Variants in ADAM12 observed in about 807,000 individuals in gnomAD.
ADAM12 encodes the protein disintegrin and metalloproteinase domain-containing protein 12.
In ADAM12, 70 loss-of-function variants were observed where a neutral mutation model predicts 106.4. The observed-to-expected ratio is 0.66, with a 90% CI of 0.54 to 0.80. The LOEUF (loss-of-function observed/expected upper bound fraction) is 0.80. Ranked by LOEUF, ADAM12 falls within the 30% of genes least tolerant of loss-of-function variation. The pLI is 0.00. For synonymous variants in ADAM12, 420 were observed against 433.5 expected (o/e 0.97, Z 0.39); for missense variants, 1,010 against 1,171.9 (o/e 0.86, Z 2.02).
chr10:126,242,592 A>G (rs1958547914), intron 3 of ADAM12, among the ~76,000 whole-genome samples: 1 of 152,232 alleles, frequency 6.6e-6, no homozygotes. Flanking sequence ...GCCCGTCCAC[A>G]GTGGGTCCTC....
intron 3 of ADAM12, among the ~76,000 whole-genome samples, chr10:126,256,349 G>T (rs1418111043): frequency 3.3e-5 from 5 of 152,134 alleles, no homozygotes; most frequent in East Asian, 1.9e-4. Context: ...TGGACCCTTT[G>T]TTTTAGTTTC....
chr10:126,306,581 C>A (rs1413566779), intron 2 of ADAM12, among the ~76,000 whole-genome samples: 1 of 152,086 alleles, frequency 6.6e-6, no homozygotes, highest in Non-Finnish European at 1.5e-5. Flanking sequence ...AATTTTATCA[C>A]CTGCTTTTGG....
At chr10:126,180,112 T>C (rs1054165678) in intron 3 of ADAM12, among the ~76,000 whole-genome samples, 4 of 152,356 alleles carry the variant, frequency 2.6e-5, no homozygotes, top group African/African-American at 7.2e-5. Flanking sequence ...TTTGGGATGA[T>C]GGCCATGTCC....
intron 2 of ADAM12, among the ~76,000 whole-genome samples, chr10:126,323,841 T>C (rs934398949): frequency 2.6e-5 from 4 of 152,246 alleles, no homozygotes; most frequent in African/African-American, 4.8e-5. Flanking sequence ...CATGCTTTTA[T>C]ACAGGTTCAG....
chr10:126,342,737 T>A (rs2133871481), intron 1 of ADAM12, among the ~76,000 whole-genome samples: 1 of 152,328 alleles, frequency 6.6e-6, no homozygotes, highest in South Asian at 2.1e-4. Context: ...GAACACTGCC[T>A]TGGTTTAAAA....
chr10:126,022,311 T>C (rs971943052), intron 21 of ADAM12, among the ~76,000 whole-genome samples: 4 of 152,164 alleles, frequency 2.6e-5, no homozygotes, highest in African/African-American at 9.7e-5. Flanking sequence ...GAGACGCTGA[T>C]TGAAGGGTCT....
At chr10:126,298,532 A>C (rs1052150143) in intron 2 of ADAM12, among the ~76,000 whole-genome samples, 5 of 152,180 alleles carry the variant, frequency 3.3e-5, no homozygotes, top group African/African-American at 1.2e-4. Flanking sequence ...AGCTTCAGAG[A>C]CATATGGGAC....
At chr10:126,077,673 G>C (rs920306076) in intron 11 of ADAM12, among the ~76,000 whole-genome samples, 3 of 152,158 alleles carry the variant, frequency 2.0e-5, no homozygotes, top group African/African-American at 7.2e-5. Flanking sequence ...AATAAATGCT[G>C]CTGGGATAAC....
intron 2 of ADAM12, among the ~76,000 whole-genome samples, chr10:126,314,871 C>T (rs77782759): frequency 1.4e-3 from 215 of 152,226 alleles, no homozygotes; most frequent in Admixed American, 5.0e-3. Flanking sequence ...TGCAGAGCCT[C>T]GTTCAAAACC....
intron 21 of ADAM12, among the ~76,000 whole-genome samples, chr10:126,034,777 T>C (rs10751539): frequency 0.26 from 39,027 of 152,084 alleles, 5,379 homozygotes; most frequent in East Asian, 0.43. Context: ...TCATGAATGA[T>C]GTTTCCTATT....
At chr10:126,378,119 C>G (rs975870728) in intron 1 of ADAM12, among the ~76,000 whole-genome samples, 1 of 152,110 alleles carries the variant, frequency 6.6e-6, no homozygotes, top group Non-Finnish European at 1.5e-5. Flanking sequence ...TATTTAACAT[C>G]CAGCTTGGCA....
chr10:126,207,588 A>G (rs1215341658), intron 3 of ADAM12, among the ~76,000 whole-genome samples: 2 of 152,208 alleles, frequency 1.3e-5, no homozygotes, highest in Non-Finnish European at 2.9e-5. Context: ...AATAAGCTCA[A>G]TATAAAATAC....
chr10:126,138,180 T>C (rs1441777192), intron 4 of ADAM12, among the ~76,000 whole-genome samples: 1 of 152,224 alleles, frequency 6.6e-6, no homozygotes, highest in African/African-American at 2.4e-5. Flanking sequence ...ATGTGTTTAT[T>C]GTCCATTTTT....
chr10:126,358,038 C>T (rs1019110587), intron 1 of ADAM12, among the ~76,000 whole-genome samples: 7 of 151,988 alleles, frequency 4.6e-5, no homozygotes, highest in African/African-American at 1.7e-4. Flanking sequence ...GAAAATTGGG[C>T]GAGGTGGCGG....
chr10:126,387,938 T>A (rs1373217447), intron 1 of ADAM12, 120 bp downstream of exon 1: 17 of 1,119,924 alleles, frequency 1.5e-5, no homozygotes, highest in Non-Finnish European at 1.9e-5. Flanking sequence ...GCCCCGGGGC[T>A]CCGGAGATGC....
Position 126,017,254 on chromosome 10 carries a change from A to T in ADAM12, c.*25T>A, listed in dbSNP as rs768478067. On this transcript the variant is annotated 3_prime_UTR_variant, in exon 23 of 23. Coordinates refer to ENST00000448723, the MANE Select transcript of ADAM12 (RefSeq NM_001288973.2). ...AAAGATAGTGCAAACTTCTGTCTTC[A>T]CTGTTGAAAAAAGGTGTCGGCTTCT... 43 of 1,571,164 alleles carry T rather than the reference A, an allele frequency of 2.7e-5. No homozygotes were observed. The highest frequency in any genetic ancestry group is 3.7e-5 in the Non-Finnish European group (43 of 1,155,966).
intron 13 of ADAM12, 35 bp from the exon 14 acceptor site, chr10:126,065,036 C>T (rs369750537): frequency 2.7e-5 from 42 of 1,574,444 alleles, no homozygotes; most frequent in Middle Eastern, 1.7e-4. Flanking sequence ...CACATGCACC[C>T]GGGGAAAGGG....
At chr10:126,143,715 T>G (rs562075497) in intron 4 of ADAM12, among the ~76,000 whole-genome samples, 72 of 152,030 alleles carry the variant, frequency 4.7e-4, no homozygotes, top group Admixed American at 4.2e-3. Context: ...TGTGTGTGTG[T>G]GGGTATGCAT....
At chr10:126,337,898 G>A (rs533451252) in intron 1 of ADAM12, among the ~76,000 whole-genome samples, 15 of 151,954 alleles carry the variant, frequency 9.9e-5, no homozygotes, top group Non-Finnish European at 1.8e-4. Context: ...TCTATAACTG[G>A]CACATTATTA....
Sources: allele counts gnomAD v4.1 joint callset (sites outside exome capture counted in the v4.1 genomes callset), GRCh38; gene constraint gnomAD v4.1.1; transcripts MANE v1.5; gene names NCBI Gene and HGNC (gene_info 2026-07-23, HGNC 2026-07-21).